The following PRKCI variants were observed in gnomAD, a reference collection of about 807,000 sequenced individuals.
The protein encoded by PRKCI is protein kinase C iota type.
In PRKCI, 43 loss-of-function variants were observed where a neutral mutation model predicts 84.0. That is an observed-to-expected ratio of 0.51 (90% CI 0.40 to 0.66). PRKCI has a LOEUF of 0.66. PRKCI is among the 30% of genes least tolerant of loss of function. The probability of loss-of-function intolerance (pLI) is 0.00; values close to 1 mark genes in which losing one functional copy is unlikely to be tolerated. For synonymous variants in PRKCI, 216 were observed against 234.4 expected (o/e 0.92, Z 0.72); for missense variants, 459 against 745.6 (o/e 0.62, Z 4.48).
intron 17 of PRKCI, among the ~76,000 whole-genome samples, chr3:170,302,004 G>T (rs1041337101): frequency 6.6e-6 from 1 of 152,098 alleles, no homozygotes; most frequent in Non-Finnish European, 1.5e-5. Flanking sequence ...TAGTATTATT[G>T]TCTCTGCTTC....
chr3:170,288,850 A>G (rs1388197133), intron 12 of PRKCI, among the ~76,000 whole-genome samples: 1 of 152,240 alleles, frequency 6.6e-6, no homozygotes, highest in East Asian at 1.9e-4. Flanking sequence ...TAGTGTCAAT[A>G]TTTAACTTAC....
intron 2 of PRKCI, among the ~76,000 whole-genome samples, chr3:170,240,907 A>G (rs188995156): frequency 4.6e-5 from 7 of 152,356 alleles, no homozygotes; most frequent in Non-Finnish European, 8.8e-5. Context: ...TAATCTAACT[A>G]AACATTTTAG....
At chr3:170,245,363 A>G (rs1461974587) in intron 2 of PRKCI, among the ~76,000 whole-genome samples, 1 of 152,162 alleles carries the variant, frequency 6.6e-6, no homozygotes, top group Non-Finnish European at 1.5e-5. Flanking sequence ...GTCAGAATTT[A>G]ATTAAATTGT....
chr3:170,245,901 T>C (rs998255550), intron 2 of PRKCI, among the ~76,000 whole-genome samples: 39 of 151,858 alleles, frequency 2.6e-4, no homozygotes, highest in African/African-American at 8.9e-4. Context: ...TGACATTATA[T>C]ATCCCATATT....
intron 1 of PRKCI, among the ~76,000 whole-genome samples, chr3:170,228,799 T>C (rs1457497718): frequency 6.6e-6 from 1 of 152,168 alleles, no homozygotes; most frequent in Non-Finnish European, 1.5e-5. Context: ...TCACTTAGTG[T>C]ACCCATCACC....
At chr3:170,283,297 C>T (rs2108860290) in intron 11 of PRKCI, among the ~76,000 whole-genome samples, 1 of 152,232 alleles carries the variant, frequency 6.6e-6, no homozygotes, top group Non-Finnish European at 1.5e-5. Context: ...TCACCCTTTC[C>T]TACTTCACAA....
chr3:170,269,817 G>A (rs1733955367), intron 5 of PRKCI, among the ~76,000 whole-genome samples: 1 of 152,082 alleles, frequency 6.6e-6, no homozygotes, highest in Non-Finnish European at 1.5e-5. Context: ...ACTTAGCCAG[G>A]TATGGTGGCG....
Position 170,305,257 on chromosome 3 carries a change from C to A in PRKCI, c.*2130C>A, listed in dbSNP as rs1734927386. ...GGTTTAAAATGCACACTAGTGAGCC[C>A]ACCTTAGACTTCTTTTGGGGCCTTC... On this transcript the variant is annotated 3_prime_UTR_variant, in exon 18 of 18. Transcript: ENST00000295797. The A allele has an allele frequency of 6.6e-6, 1 of 152,554 alleles. No individual in the cohort carries two copies. Among genetic ancestry groups the A allele is most frequent in the Non-Finnish European group, 1.5e-5 (1 of 68,018 alleles). The allele number at this position is 152,554 out of a possible 1,614,324, so 9.5% of individuals were successfully genotyped here. A position where few individuals can be genotyped will look rare whatever the true frequency, so the allele number is the denominator to read the frequency against.
chr3:170,282,042 C>T, intron 11 of PRKCI, 74 bp downstream of exon 11: 1 of 1,456,850 alleles, frequency 6.9e-7, no homozygotes. Context: ...TGGTTGGAAA[C>T]AGTAGATAAA....
chr3:170,238,224 G>A (rs551245266), intron 2 of PRKCI, among the ~76,000 whole-genome samples: 6 of 152,248 alleles, frequency 3.9e-5, no homozygotes, highest in South Asian at 2.1e-4. Context: ...TTACCTGAGC[G>A]TGGTGGCGGG....
At chr3:170,285,539 C>T (rs914618498) in intron 12 of PRKCI, among the ~76,000 whole-genome samples, 1 of 152,106 alleles carries the variant, frequency 6.6e-6, no homozygotes, top group African/African-American at 2.4e-5. Flanking sequence ...GAATTGCATT[C>T]CCTGTTCACC....
intron 6 of PRKCI, among the ~76,000 whole-genome samples, chr3:170,271,309 A>G (rs1359886792): frequency 6.6e-6 from 1 of 152,160 alleles, no homozygotes; most frequent in Non-Finnish European, 1.5e-5. Context: ...CTGTACCCCC[A>G]TTCACTTAAC....
chr3:170,264,220 T>C (rs1053914863), intron 4 of PRKCI, among the ~76,000 whole-genome samples: 2 of 150,438 alleles, frequency 1.3e-5, no homozygotes, highest in African/African-American at 5.0e-5. Context: ...GCACATGTAA[T>C]TAGGAATTGG....
intron 2 of PRKCI, among the ~76,000 whole-genome samples, chr3:170,244,583 G>A (rs189360964): frequency 2.2e-4 from 33 of 152,268 alleles, no homozygotes; most frequent in African/African-American, 7.9e-4. Flanking sequence ...CATGAGGAGG[G>A]GGTTGTGGGT....
At chr3:170,236,779 C>A (rs891205703) in intron 2 of PRKCI, among the ~76,000 whole-genome samples, 50 of 149,628 alleles carry the variant, frequency 3.3e-4, no homozygotes, top group African/African-American at 1.2e-3. Flanking sequence ...GAAGATTGCT[C>A]GAGCCTGGAA....
chr3:170,292,823 C>T (rs796444014), intron 13 of PRKCI, among the ~76,000 whole-genome samples: 28 of 151,850 alleles, frequency 1.8e-4, no homozygotes, highest in African/African-American at 5.8e-4. Flanking sequence ...AGGCGGATCA[C>T]GAGGTCAGGA....
At chr3:170,294,252 C>T (rs1293005980) in intron 14 of PRKCI, among the ~76,000 whole-genome samples, 1 of 152,138 alleles carries the variant, frequency 6.6e-6, no homozygotes, top group Admixed American at 6.5e-5. Context: ...AAAGGCCCCA[C>T]ATCAGGGAAT....
chr3:170,231,526 G>C (rs183743173), intron 1 of PRKCI, among the ~76,000 whole-genome samples: 1 of 151,844 alleles, frequency 6.6e-6, no homozygotes, highest in Non-Finnish European at 1.5e-5. Flanking sequence ...GTGTAGTGGC[G>C]TGATCTCGGC....
chr3:170,300,683 ATTTTTT>A (rs201572419), intron 17 of PRKCI, among the ~76,000 whole-genome samples: 1 of 138,338 alleles, frequency 7.2e-6, no homozygotes, highest in African/African-American at 2.6e-5. Context: ...ATTGTCTTGA[ATTTTTT>A]TTTTTTTTTT....
Sources: gnomAD v4.1 joint callset for allele counts (sites outside exome capture counted in the v4.1 genomes callset) on GRCh38, gnomAD v4.1.1 for gene constraint, MANE v1.5 for transcripts, NCBI Gene and HGNC (gene_info 2026-07-23, HGNC 2026-07-21) for gene names.